Variants in FBN1 observed in about 807,000 individuals in gnomAD.
FBN1 encodes fibrillin-1.
FBN1 carries 29 observed loss-of-function variants against 365.1 expected under a neutral mutation model. The observed-to-expected ratio is 0.08, with a 90% CI of 0.06 to 0.11. The LOEUF (loss-of-function observed/expected upper bound fraction) is 0.11. Among genes scored for constraint, FBN1 ranks in the 10% least tolerant of loss-of-function variants. The pLI is 1.00. For synonymous variants in FBN1, 1,210 were observed against 1,270.5 expected, an observed-to-expected ratio of 0.95 and a Z score of 1.01; for missense variants, 2,476 against 3,703.2, an observed-to-expected ratio of 0.67 and a Z score of 8.60.
intron 17 of FBN1, among the ~76,000 whole-genome samples, chr15:48,502,960 T>C (rs1400322278): frequency 1.3e-5 from 2 of 152,138 alleles, no homozygotes; most frequent in East Asian, 3.8e-4. Context: ...TCACTTCAAC[T>C]GGAGAAAAAT....
chr15:48,580,840 A>G (rs538026885), intron 6 of FBN1, among the ~76,000 whole-genome samples: 1 of 152,314 alleles, frequency 6.6e-6, no homozygotes, highest in East Asian at 1.9e-4. Context: ...TCCTAAAGAG[A>G]TAAACGAAAG....
chr15:48,429,050 CCTAA>C (rs557428841), intron 56 of FBN1, among the ~76,000 whole-genome samples: 118 of 152,100 alleles, frequency 7.8e-4, no homozygotes, highest in Non-Finnish European at 1.4e-3. Context: ...CTTTTAAAAG[CCTAA>C]CTGATAGCAT....
Position 48,623,884 on chromosome 15 carries a change from G to A in FBN1, c.165-10792C>T, listed in dbSNP as rs147991606. 8.4e-4 allele frequency among the ~76,000 whole-genome samples: 128 copies of A among 151,654 alleles called. 3 individuals are homozygous for A. The highest frequency in any genetic ancestry group is 1.0e-3 in the South Asian group (5 of 4,778). The stretch of plus-strand genomic sequence containing the variant: ...CAAGAACTTATGGTCCAAAAATGTC[G>A]TCCCCCTTCAAGGGCATGTACACAT... On this transcript the variant is annotated intron_variant, in intron 2 of 65. Transcript: ENST00000316623.
chr15:48,544,282 T>C (rs1254489375), intron 6 of FBN1, among the ~76,000 whole-genome samples: 2 of 152,156 alleles, frequency 1.3e-5, no homozygotes, highest in Admixed American at 1.3e-4. Context: ...AGATTACCTA[T>C]TTAACATGGT....
In FBN1 at chr15:48,497,351, A is replaced by T; in HGVS notation, c.2208T>A (p.Asn736Lys). The T allele has an allele frequency of 6.2e-7, 1 of 1,614,058 alleles. No individual in the cohort carries two copies. Among genetic ancestry groups the T allele is most frequent in the Non-Finnish European group, 8.5e-7 (1 of 1,179,906 alleles). ...TCCCACGAAGGTTTTCACAGATTCC[A>T]TTTGGGCAAATATCAGGATCTAGTG... ...ECALDPDICP[N>K]GICENLRGTY... Residue 736 changes from asparagine (N) to lysine (K), a missense_variant, in exon 19 of 66, where the codon AAT becomes AAA. Coordinates refer to ENST00000316623, the MANE Select transcript of FBN1 (RefSeq NM_000138.5).
At chr15:48,412,887 C>A in intron 64 of FBN1, 144 bp from the exon 65 acceptor site, 1 of 961,890 alleles carries the variant, frequency 1.0e-6, no homozygotes, top group Non-Finnish European at 1.6e-6. Context: ...GTTCTGAGAA[C>A]TACATTGAGG....
chr15:48,631,784 T>C (rs1889993998), intron 2 of FBN1, among the ~76,000 whole-genome samples: 1 of 152,182 alleles, frequency 6.6e-6, no homozygotes, highest in Non-Finnish European at 1.5e-5. Context: ...ACCAAATCCT[T>C]ACTCCAACAG....
intron 6 of FBN1, among the ~76,000 whole-genome samples, chr15:48,571,047 G>C (rs1453329952): frequency 2.0e-5 from 3 of 152,204 alleles, no homozygotes; most frequent in Non-Finnish European, 1.5e-5. Flanking sequence ...AAACTAGCTG[G>C]AGGCTATTCA....
chr15:48,481,135 C>T (rs2043461600), intron 32 of FBN1, among the ~76,000 whole-genome samples: 1 of 152,232 alleles, frequency 6.6e-6, no homozygotes, highest in South Asian at 2.1e-4. Flanking sequence ...TGCTAAGTCC[C>T]ATGAATAAAG....
At chr15:48,534,833 G>A (rs1394115221) in intron 7 of FBN1, among the ~76,000 whole-genome samples, 1 of 152,202 alleles carries the variant, frequency 6.6e-6, no homozygotes, top group Admixed American at 6.5e-5. Flanking sequence ...AGGTGAGTGA[G>A]TGTGTAGTTT....
Position 48,470,803 on chromosome 15 carries a change from TA to T in FBN1, c.4337-48del, listed in dbSNP as rs138034853. 8.2e-5 allele frequency: 130 copies of T among 1,589,462 alleles called. 2 individuals carry two copies. The highest frequency in any genetic ancestry group is 5.7e-4 in the South Asian group (50 of 88,382). ...GCAAAAAACTTAACTTATATTTTTC[TA>T]AAAAAAACCTGCCAAATATAATTAG... On this transcript the variant is annotated intron_variant, in intron 35 of 65. Coordinates refer to ENST00000316623, the MANE Select transcript of FBN1 (RefSeq NM_000138.5).
intron 6 of FBN1, among the ~76,000 whole-genome samples, chr15:48,546,995 C>T (rs2044098849): frequency 6.6e-6 from 1 of 152,134 alleles, no homozygotes; most frequent in Non-Finnish European, 1.5e-5. Context: ...CCCATTCTCA[C>T]AATAAGGTAC....
At chr15:48,607,367 C>CAT (rs10587361) in intron 4 of FBN1, among the ~76,000 whole-genome samples, 17,560 of 146,072 alleles carry the variant, frequency 0.12, 1,120 homozygotes, top group Non-Finnish European at 0.14. Flanking sequence ...CATACATATA[C>CAT]ATATATATAT....
chr15:48,556,399 G>A (rs2044180977), intron 6 of FBN1, among the ~76,000 whole-genome samples: 1 of 152,226 alleles, frequency 6.6e-6, no homozygotes. Flanking sequence ...GCATTCATAA[G>A]AAGAGGCTAA....
intron 42 of FBN1, among the ~76,000 whole-genome samples, chr15:48,461,739 G>T (rs1370923163): frequency 6.6e-6 from 1 of 152,150 alleles, no homozygotes; most frequent in Non-Finnish European, 1.5e-5. Flanking sequence ...TTTGCAGGCT[G>T]TACAGTCAGT....
In FBN1 at chr15:48,470,695, G is replaced by C. The variant is rs2043365866; in HGVS notation, c.4398C>G (p.Gly1466=). The C allele has an allele frequency of 6.2e-7, 1 of 1,613,944 alleles. No homozygotes were observed. Among genetic ancestry groups the C allele is most frequent in the Non-Finnish European group, 8.5e-7 (1 of 1,180,002 alleles). ...CVFGTCHNLP[G]LFRCECEIGY... ...CTATCTCACACTCACAGCGGAACAG[G>C]CCAGGGAGGTTGTGGCAAGTTCCAA... is the stretch of plus-strand genomic sequence containing the variant. Residue 1466 remains glycine, a synonymous_variant, in exon 36 of 66, where the codon GGC becomes GGG. Coordinates refer to ENST00000316623, the MANE Select transcript of FBN1 (RefSeq NM_000138.5).
intron 6 of FBN1, among the ~76,000 whole-genome samples, chr15:48,583,991 G>A (rs911141286): frequency 1.3e-5 from 2 of 152,138 alleles, no homozygotes; most frequent in African/African-American, 4.8e-5. Flanking sequence ...AAACTTCTAA[G>A]TGGAAAAAAT....
At chr15:48,514,124 A>C (rs148642346) in intron 12 of FBN1, among the ~76,000 whole-genome samples, 14 of 152,322 alleles carry the variant, frequency 9.2e-5, no homozygotes, top group Non-Finnish European at 1.8e-4. Flanking sequence ...TGTTGTTTAA[A>C]GGGCAGTTCT....
At chr15:48,461,217 A>G (rs2043278248) in intron 42 of FBN1, among the ~76,000 whole-genome samples, 1 of 152,206 alleles carries the variant, frequency 6.6e-6, no homozygotes, top group South Asian at 2.1e-4. Flanking sequence ...GACTCTTAAA[A>G]TATGTGCAGA....
Sources: allele counts gnomAD v4.1 joint callset (sites outside exome capture counted in the v4.1 genomes callset), GRCh38; gene constraint gnomAD v4.1.1; transcripts MANE v1.5; gene names NCBI Gene and HGNC (gene_info 2026-07-23, HGNC 2026-07-21).